The following IQGAP1 variants were observed in gnomAD, a reference collection of about 807,000 sequenced individuals.
The protein encoded by IQGAP1 is IQ motif containing GTPase activating protein 1.
Under a neutral mutation model 215.6 loss-of-function variants are expected in IQGAP1, and 66 were observed. The ratio of observed to expected loss-of-function variants is 0.31; its 90% CI spans 0.25 to 0.38. The LOEUF (loss-of-function observed/expected upper bound fraction) is 0.38, where lower values mean the gene tolerates loss of function less well. Ranked by LOEUF, IQGAP1 falls within the 10% of genes least tolerant of loss-of-function variation. IQGAP1 has a pLI of 1.00. For missense variants in IQGAP1, 1,712 were observed against 1,997.1 expected, an observed-to-expected ratio of 0.86 and a Z score of 2.72; for synonymous variants, 772 against 728.7, an observed-to-expected ratio of 1.06 and a Z score of -0.96.
At chr15:90,483,280 T>A in intron 28 of IQGAP1, 81 bp from the exon 29 acceptor site, 2 of 1,043,534 alleles carry the variant, frequency 1.9e-6, no homozygotes, top group Non-Finnish European at 2.9e-6. Context: ...CATTTTCTGC[T>A]TTTCTTTGCT....
At chr15:90,400,488 G>GA (rs1269231408) in intron 2 of IQGAP1, among the ~76,000 whole-genome samples, 2 of 152,136 alleles carry the variant, frequency 1.3e-5, no homozygotes, top group African/African-American at 4.8e-5. Context: ...CTTTCAAGGT[G>GA]AAAAAAAGGA....
chr15:90,439,238 C>A, intron 5 of IQGAP1, 94 bp from the exon 6 acceptor site: 1 of 823,564 alleles, frequency 1.2e-6, no homozygotes, highest in Non-Finnish European at 2.0e-6. Flanking sequence ...GTTCAGAATA[C>A]TTCTATTTTA....
chr15:90,390,881 T>C lies in IQGAP1; in HGVS notation c.155+8T>C. 1 of 1,537,512 alleles carries C rather than the reference T, an allele frequency of 6.5e-7. No homozygotes were observed. The highest frequency in any genetic ancestry group is 9.0e-7 in the Non-Finnish European group (1 of 1,110,280). ...TTTGGAAGAAGCGAAGAGGTAAAGA[T>C]TGGCTGGCTGGAGAGAAGATTAAGA... On this transcript the variant is annotated splice_region_variant and intron_variant, in intron 2 of 37. Coordinates refer to ENST00000268182, the MANE Select transcript of IQGAP1 (RefSeq NM_003870.4).
chr15:90,480,348 T>G (rs2051919285), intron 26 of IQGAP1, among the ~76,000 whole-genome samples: 1 of 152,188 alleles, frequency 6.6e-6, no homozygotes, highest in Non-Finnish European at 1.5e-5. Flanking sequence ...GCTTTCTTCT[T>G]TTACTTCAGC....
At chr15:90,403,324 G>A (rs1026327205) in intron 2 of IQGAP1, among the ~76,000 whole-genome samples, 7 of 152,206 alleles carry the variant, frequency 4.6e-5, no homozygotes, top group Admixed American at 2.0e-4. Context: ...TAAAAAGGTA[G>A]TGTTTGACAA....
intron 9 of IQGAP1, among the ~76,000 whole-genome samples, chr15:90,446,386 A>G (rs1965528037): frequency 6.6e-6 from 1 of 152,244 alleles, no homozygotes; most frequent in South Asian, 2.1e-4. Context: ...ATAGTGGGGA[A>G]GATAGACATA....
chr15:90,432,610 T>C (rs1474762624), intron 4 of IQGAP1, among the ~76,000 whole-genome samples: 1 of 152,216 alleles, frequency 6.6e-6, no homozygotes, highest in Non-Finnish European at 1.5e-5. Context: ...CTGTAGATTT[T>C]AAAAAACAAT....
At chr15:90,442,598 C>T (rs1965467312) in intron 8 of IQGAP1, among the ~76,000 whole-genome samples, 1 of 152,132 alleles carries the variant, frequency 6.6e-6, no homozygotes, top group Non-Finnish European at 1.5e-5. Flanking sequence ...GCCAAACTGG[C>T]CTGCAGGCAA....
At chr15:90,390,673 G>C in intron 1 of IQGAP1, 101 bp from the exon 2 acceptor site, 1 of 770,148 alleles carries the variant, frequency 1.3e-6, no homozygotes, top group Non-Finnish European at 2.2e-6. Flanking sequence ...TAGTTATCCT[G>C]ACTTTCTAGG....
chr15:90,456,184 C>T lies in IQGAP1; in HGVS notation c.1645C>T (p.Leu549=). ...ILAIGLINEA[L]DEGDAQKTLQ... ...AGCCATTGGTTTAATTAATGAAGCC[C>T]TGGATGAAGGTGATGCCCAAAAGAC... is the stretch of plus-strand genomic sequence containing the variant. Residue 549 remains leucine (L), a synonymous_variant, in exon 15 of 38, where the codon CTG becomes TTG. Coordinates refer to ENST00000268182, the MANE Select transcript of IQGAP1 (RefSeq NM_003870.4). 1 of 1,613,910 alleles carries T rather than the reference C, an allele frequency of 6.2e-7. No individual in the cohort carries two copies. Among genetic ancestry groups the T allele is most frequent in the Non-Finnish European group, 8.5e-7 (1 of 1,179,926 alleles).
At chr15:90,392,682 A>G (rs1489643870) in intron 2 of IQGAP1, among the ~76,000 whole-genome samples, 1 of 152,008 alleles carries the variant, frequency 6.6e-6, no homozygotes, top group Non-Finnish European at 1.5e-5. Context: ...ATCTCATTTA[A>G]TGAAGAAACT....
intron 36 of IQGAP1, among the ~76,000 whole-genome samples, chr15:90,495,724 G>A (rs1966263366): frequency 6.8e-6 from 1 of 147,662 alleles, no homozygotes; most frequent in Non-Finnish European, 1.5e-5. Context: ...TGCAGCCTTG[G>A]CCTCCCAGGT....
Position 90,500,076 on chromosome 15 carries a change from T to G in IQGAP1, c.4942T>G (p.Phe1648Val). Reference sequence around the variant, plus strand: ...TAAAGTAAATGTCAACCTCCTGATCTTCCTTCTCAACAAAAAGTTCTACGG... The same window carrying G: ...TAAAGTAAATGTCAACCTCCTGATCGTCCTTCTCAACAAAAAGTTCTACGG... ...RAKVNVNLLI[F>V]LLNKKFYGK Residue 1648 changes from phenylalanine (F) to valine (V), a missense_variant, in exon 38 of 38, where the codon TTC becomes GTC. Physicochemically the swap from Phe to Val is conservative, Grantham distance 50 (BLOSUM62 -1). This residue lies in a region of IQGAP1 where 691 missense variants were observed against 923.0 expected (regional missense o/e 0.75). Transcript: ENST00000268182. 1.2e-6 allele frequency: 2 copies of G among 1,610,620 alleles called. No individual in the cohort carries two copies. Among genetic ancestry groups the G allele is most frequent in the Non-Finnish European group, 1.7e-6 (2 of 1,176,742 alleles).
rs752329755 is a variant in IQGAP1, at chr15:90,482,022, T to G, written c.3392T>G (p.Leu1131Arg). 6 of 1,614,134 alleles carry G rather than the reference T, an allele frequency of 3.7e-6. No individual in the cohort carries two copies. In the Admixed American group the frequency reaches 1.0e-4, roughly 27 times the overall value. Residue 1131 changes from leucine to arginine, a missense_variant, in exon 27 of 38, where the codon CTA becomes CGA. Around this residue, in one of 2 missense-constraint regions of IQGAP1, gnomAD observed 691 missense variants for 923.0 expected, o/e 0.75. Transcript: ENST00000268182. ...GCTCATGAAGAAGTGAAGACACGGC[T>G]AGACAGCTCCATCAGGAACATGCGG... ...ALAHEEVKTR[L>R]DSSIRNMRAV...
chr15:90,464,607 A>T (rs898402308), intron 15 of IQGAP1, among the ~76,000 whole-genome samples: 1 of 152,026 alleles, frequency 6.6e-6, no homozygotes, highest in Non-Finnish European at 1.5e-5. Flanking sequence ...TCCCAGCACT[A>T]TGGGAGGCCA....
intron 2 of IQGAP1, among the ~76,000 whole-genome samples, chr15:90,421,327 T>C: frequency 6.6e-6 from 1 of 151,846 alleles, no homozygotes; most frequent in Non-Finnish European, 1.5e-5. Flanking sequence ...AATATAAAAA[T>C]TAGCCGGTTG....
chr15:90,473,497 A>T, intron 19 of IQGAP1: 2 of 539,560 alleles, frequency 3.7e-6, no homozygotes, highest in Non-Finnish European at 6.7e-6. Flanking sequence ...AAAGGTGTGC[A>T]GGGCTGTGCT....
At position 90,491,281 on chromosome 15, in the gene IQGAP1, G is replaced by A. The variant is rs1567144191; in HGVS notation, c.4249-52G>A. ...GTGCAAATGTGCTATATAAATTCAA[G>A]TTTAGGATTAGTGTGGTAAACTTGC... On this transcript the variant is annotated intron_variant, in intron 33 of 37. Transcript: ENST00000268182. 14 of 1,480,224 alleles carry A rather than the reference G, an allele frequency of 9.5e-6. No individual in the cohort carries two copies. The East Asian group carries it at 1.1e-4, about 12-fold the overall frequency. 91.7% of individuals were successfully genotyped at this position (1,480,224 alleles called of 1,614,324 possible).
Position 90,402,705 on chromosome 15 carries a change from C to T in IQGAP1, c.155+11832C>T, listed in dbSNP as rs546708718. On this transcript the variant is annotated intron_variant, in intron 2 of 37. Transcript: ENST00000268182. ...AAAATATTTTCTCAAATAGAATTAA[C>T]TGGTGATCCTAAAAACAGAATGAAT... Among the ~76,000 whole-genome samples the T allele has an allele frequency of 2.6e-5, 4 of 152,108 alleles. No individual in the cohort carries two copies. The South Asian group carries it at 8.3e-4, about 32-fold the overall frequency.
Sources: allele counts gnomAD v4.1 joint callset (sites outside exome capture counted in the v4.1 genomes callset), GRCh38; gene constraint gnomAD v4.1.1; regional missense constraint gnomAD v4.1.1; transcripts MANE v1.5; gene names NCBI Gene and HGNC (gene_info 2026-07-23, HGNC 2026-07-21).